The following TPCN1 variants were observed in gnomAD, a reference collection of about 807,000 sequenced individuals.
The protein encoded by TPCN1 is two pore channel protein 1.
In TPCN1, 52 loss-of-function variants were observed where a neutral mutation model predicts 108.8. The observed-to-expected ratio is 0.48, with a 90% CI of 0.38 to 0.60. The LOEUF (loss-of-function observed/expected upper bound fraction) is 0.60. Ranked by LOEUF, TPCN1 falls within the 20% of genes least tolerant of loss-of-function variation. The pLI is 0.00. For synonymous variants in TPCN1, 446 were observed against 433.7 expected (o/e 1.03, Z -0.35); for missense variants, 806 against 1,072.8 (o/e 0.75, Z 3.47).
chr12:113,261,672 G>A (rs183069423), intron 3 of TPCN1, among the ~76,000 whole-genome samples: 10 of 152,062 alleles, frequency 6.6e-5, no homozygotes, highest in East Asian at 1.9e-4. Context: ...CAGGTGATCC[G>A]CCGACCTCAG....
intron 2 of TPCN1, among the ~76,000 whole-genome samples, chr12:113,229,332 C>A (rs1442271598): frequency 6.6e-6 from 1 of 152,348 alleles, no homozygotes; most frequent in East Asian, 1.9e-4. Context: ...ATTCACCAAG[C>A]CTGGCTGGGA....
At chr12:113,227,807 C>A (rs1169931421) in intron 2 of TPCN1, among the ~76,000 whole-genome samples, 1 of 152,154 alleles carries the variant, frequency 6.6e-6, no homozygotes, top group Non-Finnish European at 1.5e-5. Context: ...GCCAGGCTCT[C>A]CCGTCTCATT....
Position 113,269,968 on chromosome 12 carries a change from G to T in TPCN1, c.748+123G>T. The T allele has an allele frequency of 1.9e-6, 2 of 1,029,560 alleles. No homozygotes were observed. Among genetic ancestry groups the T allele is most frequent in the South Asian group, 2.9e-5 (2 of 70,118 alleles). 63.8% of individuals were successfully genotyped at this position (1,029,560 alleles called of 1,614,324 possible). On this transcript the variant is annotated intron_variant, in intron 7 of 27. Transcript: ENST00000335509. This position sits in a 1 kb window ranked among gnomAD's most constrained non-coding sequence, Gnocchi z 5.0. The stretch of plus-strand genomic sequence containing the variant: ...TCCTAGCATTTTGGGAGGCCAAGGT[G>T]GGTGGGTAACCTAGGTCAGGAGTTT...
intron 1 of TPCN1, among the ~76,000 whole-genome samples, 161 bp from the exon 2 acceptor site, chr12:113,226,564 AGCC>A: frequency 6.6e-6 from 1 of 152,186 alleles, no homozygotes; most frequent in African/African-American, 2.4e-5. Flanking sequence ...TATAGGTGTG[AGCC>A]ACCGCGCCTG....
intron 2 of TPCN1, among the ~76,000 whole-genome samples, chr12:113,251,057 C>T (rs545493736): frequency 6.6e-6 from 1 of 152,116 alleles, no homozygotes; most frequent in African/African-American, 2.4e-5. Context: ...AATCCTAGAA[C>T]TCTGGGAGGG....
At chr12:113,279,970 T>C (rs1955832960) in intron 14 of TPCN1, among the ~76,000 whole-genome samples, 181 bp from the exon 15 acceptor site, 1 of 152,098 alleles carries the variant, frequency 6.6e-6, no homozygotes. Flanking sequence ...GAAGCATGGG[T>C]ACCACTCTTT....
chr12:113,276,082 A>G (rs1955663775), intron 10 of TPCN1, among the ~76,000 whole-genome samples: 1 of 152,224 alleles, frequency 6.6e-6, no homozygotes, highest in Non-Finnish European at 1.5e-5. Flanking sequence ...GTTCATGTAT[A>G]GTCTGTGGCT....
At position 113,266,372 on chromosome 12, in the gene TPCN1, C is replaced by T. The variant is rs1289402470; in HGVS notation, c.414+16C>T. ...TGGCATCTATGTGAGCGCACATGCTCCTCATACGGGGGGCTGGGAGCCACG... is the reference window on the plus strand; with the variant it reads ...TGGCATCTATGTGAGCGCACATGCTTCTCATACGGGGGGCTGGGAGCCACG... On this transcript the variant is annotated intron_variant, in intron 4 of 27. Transcript: ENST00000335509. The surrounding 1 kb of genome is among the most constrained non-coding windows in gnomAD (Gnocchi z 4.2). 5 of 1,601,584 alleles carry T rather than the reference C, an allele frequency of 3.1e-6. No homozygotes were observed. The highest frequency in any genetic ancestry group is 4.2e-6 in the Non-Finnish European group (5 of 1,178,740).
chr12:113,271,395 C>T (rs2136642247), intron 7 of TPCN1, among the ~76,000 whole-genome samples: 1 of 152,326 alleles, frequency 6.6e-6, no homozygotes, highest in Middle Eastern at 3.4e-3. Flanking sequence ...GTGATTCCCG[C>T]TTTCCCCAAA....
rs142889464 is a variant in TPCN1 at position 113,251,944 on chromosome 12, A to G, written c.113-8424A>G. Among the ~76,000 whole-genome samples the G allele has an allele frequency of 5.1e-3, 781 of 152,328 alleles. 11 individuals carry two copies. The highest frequency in any genetic ancestry group is 0.018 in the African/African-American group (740 of 41,572). ...GTTGCTGCAGGCTTTTAGGTGAAAG[A>G]CAAGAGGCCCCAAAGACCTCTTCAG... is the stretch of plus-strand genomic sequence containing the variant. On this transcript the variant is annotated intron_variant, in intron 2 of 27. Transcript: ENST00000335509.
chr12:113,292,866 T>A, intron 25 of TPCN1, 68 bp from the exon 26 acceptor site: 1 of 1,560,390 alleles, frequency 6.4e-7, no homozygotes, highest in Non-Finnish European at 8.7e-7. Flanking sequence ...GGCAAGGAGG[T>A]ACGAGACCCA....
chr12:113,226,881 C>T lies in TPCN1; in HGVS notation c.29C>T (p.Pro10Leu), dbSNP rs150945178. The T allele has an allele frequency of 6.7e-5, 108 of 1,614,140 alleles. 1 individual carries two copies. The highest frequency in any genetic ancestry group is 2.2e-4 in the East Asian group (10 of 44,864). Residue 10 changes from proline to leucine, a missense_variant, in exon 2 of 28, where the codon CCG becomes CTG. By Grantham distance (98) the Pro-to-Leu change is moderately conservative. Coordinates refer to ENST00000335509, the MANE Select transcript of TPCN1 (RefSeq NM_017901.6). MAVSLDDDV[P>L]LILTLDEGGS... ...GCTGTGAGTTTGGATGACGACGTGC[C>T]GCTCATCCTGACCTTGGATGAGGGT...
At position 113,260,400 on chromosome 12, in the gene TPCN1, GC is replaced by G; in HGVS notation, c.150del (p.Ser51ValfsTer19). 3 of 1,513,386 alleles carry G rather than the reference GC, an allele frequency of 2.0e-6. No individual in the cohort carries two copies. Among genetic ancestry groups the G allele is most frequent in the South Asian group, 1.3e-5 (1 of 77,264 alleles). 93.7% of individuals were successfully genotyped at this position (1,513,386 alleles called of 1,614,324 possible). A position where few individuals can be genotyped will look rare whatever the true frequency, so the allele number is the denominator to read the frequency against. ...CAGCTATGCCATCCACGACTCCCAGGCCCCCAGTCTCAGCTCTGGGGGTGAG... is the reference window on the plus strand; with the variant it reads ...CAGCTATGCCATCCACGACTCCCAGGCCCCAGTCTCAGCTCTGGGGGTGAG... ...GGSYAIHDSQ[A>X]PSLSSGGESS... On this transcript the variant is annotated frameshift_variant, in exon 3 of 28. Transcript: ENST00000335509. LOFTEE classifies it high-confidence loss of function.
At position 113,291,601 on chromosome 12, in the gene TPCN1, G is replaced by A. The variant is rs765980225; in HGVS notation, c.1960-8G>A. ...ACCCCCTCACTGGCTGCTTCCCTTG[G>A]TCTCCAGGAAGGCGTCACCTCTCAG... On this transcript the variant is annotated splice_polypyrimidine_tract_variant and splice_region_variant and intron_variant, in intron 23 of 27. Transcript: ENST00000335509. 7 of 1,611,366 alleles carry A rather than the reference G, an allele frequency of 4.3e-6. No homozygotes were observed. In the African/African-American group the frequency reaches 9.3e-5, roughly 22 times the overall value.
At chr12:113,294,955 C>T (rs1179840797) in intron 27 of TPCN1, among the ~76,000 whole-genome samples, 1 of 152,186 alleles carries the variant, frequency 6.6e-6, no homozygotes, top group Non-Finnish European at 1.5e-5. Context: ...GGGTGCTGTC[C>T]CCAAAGCAGC....
Position 113,268,883 on chromosome 12 carries a change from G to C in TPCN1, c.659+11G>C. ...CGGTGGCGTCCGGCGGTAAGGCCCGGGTGGGGAGCTGGGCAGTCACTATCC... is the reference window on the plus strand; with the variant it reads ...CGGTGGCGTCCGGCGGTAAGGCCCGCGTGGGGAGCTGGGCAGTCACTATCC... On this transcript the variant is annotated intron_variant, in intron 6 of 27. Transcript: ENST00000335509. The surrounding 1 kb of genome is among the most constrained non-coding windows in gnomAD (Gnocchi z 7.3). 6.2e-7 allele frequency: 1 copy of C among 1,613,566 alleles called. No homozygotes were observed. Among genetic ancestry groups the C allele is most frequent in the East Asian group, 2.2e-5 (1 of 44,880 alleles).
At chr12:113,246,104 C>A in intron 2 of TPCN1, 1 of 450,138 alleles carries the variant, frequency 2.2e-6, no homozygotes, top group Non-Finnish European at 4.5e-6. Flanking sequence ...ACCGGGATGT[C>A]TCTCCTGCTT....
At chr12:113,241,761 C>CGTGTGTGTGTGTGTGT (rs67580212) in intron 2 of TPCN1, among the ~76,000 whole-genome samples, 2 of 144,374 alleles carry the variant, frequency 1.4e-5, no homozygotes, top group Admixed American at 7.0e-5. Flanking sequence ...CGTGCCTCTG[C>CGTGTGTGTGTGTGTGT]GTGTGTGTGT....
Position 113,289,171 on chromosome 12 carries a change from G to A in TPCN1, c.1796+324G>A, listed in dbSNP as rs1328438215. Among the ~76,000 whole-genome samples the A allele has an allele frequency of 6.6e-6, 1 of 152,194 alleles. No individual in the cohort carries two copies. On this transcript the variant is annotated intron_variant, in intron 21 of 27. Coordinates refer to ENST00000335509, the MANE Select transcript of TPCN1 (RefSeq NM_017901.6). This position sits in a 1 kb window ranked among gnomAD's most constrained non-coding sequence, Gnocchi z 4.1. ...CCCACTTCTCTCCTGGAGTGGCTGG[G>A]GACCTGGGCCAAGACCAGTCTTCTA... is the stretch of plus-strand genomic sequence containing the variant.
Sources: gnomAD v4.1 joint callset for allele counts (sites outside exome capture counted in the v4.1 genomes callset) on GRCh38, gnomAD v4.1.1 for gene constraint, Gnocchi (gnomAD v3.1) non-coding constraint, MANE v1.5 for transcripts, NCBI Gene and HGNC (gene_info 2026-07-23, HGNC 2026-07-21) for gene names.